Variants in RFTN2 observed in about 807,000 individuals in gnomAD.
RFTN2 encodes the protein raftlin-2.
In RFTN2, 34 loss-of-function variants were observed where a neutral mutation model predicts 52.7. The observed-to-expected ratio is 0.64, with a 90% CI of 0.49 to 0.86. The LOEUF (loss-of-function observed/expected upper bound fraction) is 0.86, where lower values mean the gene tolerates loss of function less well. RFTN2 is among the 40% of genes least tolerant of loss of function. The pLI, the probability that RFTN2 is intolerant of heterozygous loss-of-function variation, is 0.00. For missense variants in RFTN2, 536 were observed against 600.1 expected, an observed-to-expected ratio of 0.89 and a Z score of 1.12; for synonymous variants, 203 against 217.7, an observed-to-expected ratio of 0.93 and a Z score of 0.59.
At chr2:197,621,968 A>G (rs542539881) in intron 5 of RFTN2, among the ~76,000 whole-genome samples, 6 of 152,228 alleles carry the variant, frequency 3.9e-5, no homozygotes, top group Non-Finnish European at 7.3e-5. Flanking sequence ...ATGATAAGAA[A>G]GCAAAACAGA....
intron 3 of RFTN2, among the ~76,000 whole-genome samples, chr2:197,636,647 A>G (rs1303176231): frequency 2.7e-4 from 38 of 141,260 alleles, no homozygotes; most frequent in African/African-American, 9.6e-4. Flanking sequence ...GGGCTGAGAC[A>G]ATGGGGTTTT....
intron 5 of RFTN2, among the ~76,000 whole-genome samples, chr2:197,629,683 C>A (rs1264960181): frequency 6.7e-6 from 1 of 148,314 alleles, no homozygotes; most frequent in East Asian, 2.0e-4. Flanking sequence ...TATACACACA[C>A]ACACACACAC....
chr2:197,623,431 A>G (rs1247791145), intron 5 of RFTN2, among the ~76,000 whole-genome samples: 1 of 152,190 alleles, frequency 6.6e-6, no homozygotes, highest in Non-Finnish European at 1.5e-5. Flanking sequence ...ACCTGAATGG[A>G]TGAGTTGCTT....
chr2:197,610,521 A>G (rs1203822377), intron 7 of RFTN2, among the ~76,000 whole-genome samples: 1 of 152,182 alleles, frequency 6.6e-6, no homozygotes, highest in African/African-American at 2.4e-5. Flanking sequence ...GGCTGAGACA[A>G]TGGGGTTTTC....
chr2:197,647,066 T>C (rs1268005789), intron 1 of RFTN2, among the ~76,000 whole-genome samples: 3 of 152,190 alleles, frequency 2.0e-5, no homozygotes, highest in Non-Finnish European at 2.9e-5. Context: ...CAATGTCTTA[T>C]GAGTTTTTTC....
chr2:197,619,784 T>G (rs889400419), intron 5 of RFTN2, among the ~76,000 whole-genome samples: 1 of 147,772 alleles, frequency 6.8e-6, no homozygotes, highest in Non-Finnish European at 1.5e-5. Flanking sequence ...AAAATAAAAT[T>G]AAAAAAAAAC....
chr2:197,581,573 C>G (rs1258261250), intron 8 of RFTN2, among the ~76,000 whole-genome samples: 1 of 152,156 alleles, frequency 6.6e-6, no homozygotes, highest in African/African-American at 2.4e-5. Context: ...CGATGACCTT[C>G]TACTTTGTAG....
chr2:197,571,867 A>G lies in RFTN2; in HGVS notation c.*141T>C, dbSNP rs1024395091. 3.9e-6 allele frequency: 3 copies of G among 773,590 alleles called. No homozygotes were observed. In the African/African-American group the frequency reaches 5.2e-5, roughly 14 times the overall value. The allele number at this position is 773,590 out of a possible 1,614,324, so 47.9% of individuals were successfully genotyped here. ...TTCCTTGTCTGGGAGGTTGTGCCAA[A>G]GTTTACATAGATTAGAGGAAAGGCT... On this transcript the variant is annotated 3_prime_UTR_variant, in exon 9 of 9. Coordinates refer to ENST00000295049, the MANE Select transcript of RFTN2 (RefSeq NM_144629.3).
intron 1 of RFTN2, among the ~76,000 whole-genome samples, chr2:197,660,748 A>G (rs530452380): frequency 7.9e-5 from 12 of 151,926 alleles, no homozygotes; most frequent in Non-Finnish European, 1.6e-4. Context: ...TAGTAGAGAC[A>G]GGGTTTCTCC....
intron 7 of RFTN2, among the ~76,000 whole-genome samples, chr2:197,598,605 G>A (rs993395676): frequency 1.3e-5 from 2 of 152,184 alleles, no homozygotes; most frequent in African/African-American, 4.8e-5. Flanking sequence ...ACTAAGATCT[G>A]ATGTTTGACC....
chr2:197,675,008 T>A (rs890210640), intron 1 of RFTN2, among the ~76,000 whole-genome samples: 1 of 152,172 alleles, frequency 6.6e-6, no homozygotes, highest in African/African-American at 2.4e-5. Context: ...TAAGGCTATA[T>A]AGCTATTTGT....
intron 7 of RFTN2, among the ~76,000 whole-genome samples, chr2:197,597,597 G>A (rs540766096): frequency 8.9e-4 from 135 of 151,850 alleles, no homozygotes; most frequent in Admixed American, 3.7e-3. Context: ...TCGGCTCACC[G>A]CAACGTCACC....
chr2:197,589,386 C>A (rs1290210583), intron 8 of RFTN2, among the ~76,000 whole-genome samples: 1 of 152,096 alleles, frequency 6.6e-6, no homozygotes, highest in African/African-American at 2.4e-5. Flanking sequence ...AGTTAAATCT[C>A]TTTCTTTTGT....
rs373753289 is a variant in RFTN2, at chr2:197,675,302, A to G, written c.139+18T>C. 3.8e-6 allele frequency: 6 copies of G among 1,560,948 alleles called. No homozygotes were observed. In the African/African-American group the frequency reaches 5.5e-5, roughly 14 times the overall value. On this transcript the variant is annotated intron_variant, in intron 1 of 8. Transcript: ENST00000295049. Reference sequence around the variant, plus strand: ...CATCTCTGAAACATTTAACAAACAAAATAGAAGCAAAAAGTACCTTGTAGA... The same window carrying G: ...CATCTCTGAAACATTTAACAAACAAGATAGAAGCAAAAAGTACCTTGTAGA...
rs1037487483 is a variant in RFTN2 at position 197,641,475 on chromosome 2, G to A, written c.438+2683C>T. Among the ~76,000 whole-genome samples, 5 of 152,206 alleles carry A rather than the reference G, an allele frequency of 3.3e-5. No homozygotes were observed. In the East Asian group the frequency reaches 5.8e-4, roughly 18 times the overall value. ...AGAAATGGGTGCATTTACCGTCAGT[G>A]CTTCCTCTAGGTCTTGTTAGTTGAT... On this transcript the variant is annotated intron_variant, in intron 3 of 8. Coordinates refer to ENST00000295049, the MANE Select transcript of RFTN2 (RefSeq NM_144629.3).
Position 197,644,256 on chromosome 2 carries a change from C to A in RFTN2, c.340G>T (p.Ala114Ser), listed in dbSNP as rs375521440. Residue 114 changes from alanine (A) to serine (S), a missense_variant, in exon 3 of 9, where the codon GCA becomes TCA. Physicochemically the swap from Ala to Ser is moderately conservative, Grantham distance 99. Transcript: ENST00000295049. ...RLKLSPKNSA[A>S]PSGQRRPRLV... ...CTTGGGCGTCTTTGTCCACTGGGTG[C>A]TGCCGAATTCTTTGGGCTGTAACAG... is the stretch of plus-strand genomic sequence containing the variant. 1.8e-5 allele frequency: 29 copies of A among 1,604,998 alleles called. No individual in the cohort carries two copies. In the African/African-American group the frequency reaches 3.5e-4, roughly 19 times the overall value.
chr2:197,654,904 T>C (rs55656916), intron 1 of RFTN2, among the ~76,000 whole-genome samples: 107,591 of 151,862 alleles, frequency 0.71, 38,810 homozygotes, highest in Middle Eastern at 0.86. Flanking sequence ...GGCTGAGATA[T>C]GAGAATTGCT....
chr2:197,664,534 G>A (rs1345120430), intron 1 of RFTN2, among the ~76,000 whole-genome samples: 1 of 150,738 alleles, frequency 6.6e-6, no homozygotes, highest in Non-Finnish European at 1.5e-5. Context: ...CAGCAATTTA[G>A]AGGCTGAGGC....
At chr2:197,640,913 C>G (rs1224530047) in intron 3 of RFTN2, among the ~76,000 whole-genome samples, 1 of 152,190 alleles carries the variant, frequency 6.6e-6, no homozygotes, top group Non-Finnish European at 1.5e-5. Flanking sequence ...GTTCAACTGG[C>G]AGCTCCTTTG....
Sources: gnomAD v4.1 joint callset for allele counts (sites outside exome capture counted in the v4.1 genomes callset) on GRCh38, gnomAD v4.1.1 for gene constraint, MANE v1.5 for transcripts, NCBI Gene and HGNC (gene_info 2026-07-23, HGNC 2026-07-21) for gene names.